Variants in STK3 observed in about 807,000 individuals in gnomAD.
The protein encoded by STK3 is serine/threonine-protein kinase 3.
Under a neutral mutation model 58.0 loss-of-function variants are expected in STK3, and 41 were observed. The ratio of observed to expected loss-of-function variants is 0.71; its 90% CI spans 0.55 to 0.92. STK3 has a LOEUF of 0.92. STK3 is among the 40% of genes least tolerant of loss of function. The pLI is 0.00. For synonymous variants in STK3, 170 were observed against 191.0 expected, an observed-to-expected ratio of 0.89 and a Z score of 0.91; for missense variants, 479 against 602.7, an observed-to-expected ratio of 0.79 and a Z score of 2.15.
chr8:98,563,866 T>C (rs967651303), intron 8 of STK3, among the ~76,000 whole-genome samples: 1 of 152,048 alleles, frequency 6.6e-6, no homozygotes, highest in South Asian at 2.1e-4. Context: ...AATGACTGAA[T>C]AAATGGGGAG....
chr8:98,930,504 T>G (rs80222987), intron 1 of STK3, among the ~76,000 whole-genome samples: 9,717 of 152,288 alleles, frequency 0.064, 420 homozygotes, highest in South Asian at 0.1. Context: ...CCTTCTATCA[T>G]TCCAGTTTTA....
chr8:98,561,547 T>A (rs1233537678), intron 8 of STK3, among the ~76,000 whole-genome samples: 1 of 152,094 alleles, frequency 6.6e-6, no homozygotes, highest in Non-Finnish European at 1.5e-5. Flanking sequence ...TCATGCCTGG[T>A]AATCCCAGTA....
intron 3 of STK3, among the ~76,000 whole-genome samples, chr8:98,764,614 A>G (rs1830830222): frequency 6.6e-6 from 1 of 152,184 alleles, no homozygotes; most frequent in Non-Finnish European, 1.5e-5. Context: ...AATGTTTAAA[A>G]CTGGTTTTAG....
intron 6 of STK3, among the ~76,000 whole-genome samples, chr8:98,668,372 A>G (rs1181460361): frequency 6.6e-6 from 1 of 152,186 alleles, no homozygotes; most frequent in African/African-American, 2.4e-5. Flanking sequence ...CAAATCTTTC[A>G]GACAGTTCAA....
chr8:98,739,282 A>G (rs1222861501), intron 4 of STK3, among the ~76,000 whole-genome samples: 6 of 152,316 alleles, frequency 3.9e-5, no homozygotes, highest in African/African-American at 1.4e-4. Context: ...GAACGGGCAG[A>G]CTGCCTCCTC....
At chr8:98,492,227 G>A (rs1430615509) in intron 10 of STK3, among the ~76,000 whole-genome samples, 1 of 152,212 alleles carries the variant, frequency 6.6e-6, no homozygotes, top group Non-Finnish European at 1.5e-5. Flanking sequence ...CAGTGTGGGA[G>A]TTGCAGAGAA....
intron 1 of STK3, among the ~76,000 whole-genome samples, chr8:98,906,799 A>C (rs774809794): frequency 6.6e-6 from 1 of 152,116 alleles, no homozygotes; most frequent in Non-Finnish European, 1.5e-5. Flanking sequence ...TGACCACCTC[A>C]TCTTCACTTC....
intron 6 of STK3, among the ~76,000 whole-genome samples, chr8:98,705,485 A>C (rs1262173180): frequency 3.3e-5 from 5 of 152,178 alleles, no homozygotes; most frequent in Non-Finnish European, 7.3e-5. Context: ...TTTTCTGTAT[A>C]ATACACTGTT....
At chr8:98,489,646 G>A (rs1048878261) in intron 10 of STK3, among the ~76,000 whole-genome samples, 4 of 151,696 alleles carry the variant, frequency 2.6e-5, no homozygotes, top group Non-Finnish European at 4.4e-5. Context: ...ACATTTAGCC[G>A]ATTGTACCAA....
chr8:98,619,187 C>G (rs1177468164), intron 6 of STK3, among the ~76,000 whole-genome samples: 1 of 150,500 alleles, frequency 6.6e-6, no homozygotes, highest in Non-Finnish European at 1.5e-5. Context: ...TGATCTTTGA[C>G]AAACCTGAGA....
chr8:98,398,407 C>A (rs1317115233), downstream of STK3, among the ~76,000 whole-genome samples: 1 of 152,156 alleles, frequency 6.6e-6, no homozygotes, highest in Non-Finnish European at 1.5e-5. Context: ...TCCTGGGAAC[C>A]CCTCAGTCCC....
chr8:98,905,341 T>C, intron 1 of STK3: 1 of 959,026 alleles, frequency 1.0e-6, no homozygotes, highest in Non-Finnish European at 1.7e-6. Context: ...ACATAATCTT[T>C]CACGATGTCA....
intron 8 of STK3, among the ~76,000 whole-genome samples, chr8:98,550,511 C>T (rs576890152): frequency 5.3e-4 from 80 of 152,286 alleles, no homozygotes; most frequent in African/African-American, 1.6e-3. Context: ...TCTTCACTTG[C>T]TACATAAAAC....
intron 3 of STK3, among the ~76,000 whole-genome samples, chr8:98,423,518 C>T (rs1158554915): frequency 6.6e-6 from 1 of 152,178 alleles, no homozygotes. Flanking sequence ...ATTCTCAGTG[C>T]AATGGGAAGT....
At chr8:98,475,998 C>G (rs1413049635) in intron 10 of STK3, among the ~76,000 whole-genome samples, 1 of 152,134 alleles carries the variant, frequency 6.6e-6, no homozygotes, top group Non-Finnish European at 1.5e-5. Context: ...CTATTTAGGA[C>G]TATAAATTCC....
intron 4 of STK3, among the ~76,000 whole-genome samples, chr8:98,741,682 A>C (rs1381814030): frequency 6.6e-6 from 1 of 152,178 alleles, no homozygotes; most frequent in Non-Finnish European, 1.5e-5. Flanking sequence ...CACAATTAAA[A>C]GAACTAGAAA....
intron 5 of STK3, 121 bp from the exon 6 acceptor site, chr8:98,706,755 T>C (rs904032857): frequency 4.2e-6 from 5 of 1,179,262 alleles, no homozygotes; most frequent in Non-Finnish European, 5.7e-6. Flanking sequence ...AGAAATTGAC[T>C]ATTTTGCTAA....
At chr8:98,632,552 ATC>A (rs1261461141) in intron 6 of STK3, among the ~76,000 whole-genome samples, 3 of 152,222 alleles carry the variant, frequency 2.0e-5, no homozygotes, top group African/African-American at 7.2e-5. Flanking sequence ...CTCAACTTAG[ATC>A]TGACGCAGAG....
intron 3 of STK3, among the ~76,000 whole-genome samples, chr8:98,843,268 C>T (rs1013350337): frequency 4.6e-5 from 7 of 152,196 alleles, no homozygotes. Context: ...CTTTATATTG[C>T]AAGCAATTGA....
Sources: allele counts gnomAD v4.1 joint callset (sites outside exome capture counted in the v4.1 genomes callset), GRCh38; gene constraint gnomAD v4.1.1; transcripts MANE v1.5; gene names NCBI Gene and HGNC (gene_info 2026-07-23, HGNC 2026-07-21).